Variants in FAM110A observed in about 807,000 individuals in gnomAD.
FAM110A encodes the protein family with sequence similarity 110 member A.
Under a neutral mutation model 4.0 loss-of-function variants are expected in FAM110A, and 1 was observed. The observed-to-expected ratio is 0.25, with a 90% CI of 0.09 to 1.20. FAM110A has a LOEUF of 1.20. FAM110A is among the 50% of genes most tolerant of loss of function. The probability of loss-of-function intolerance (pLI) is 0.50; values close to 1 mark genes in which losing one functional copy is unlikely to be tolerated. For synonymous variants in FAM110A, 217 were observed against 196.8 expected (o/e 1.10, Z -0.86); for missense variants, 436 against 429.2 (o/e 1.02, Z -0.14).
rs765006821 is a variant in FAM110A, at chr20:845,081, C to G, written c.277C>G (p.Leu93Val). The G allele has an allele frequency of 6.3e-7, 1 of 1,597,288 alleles. No individual in the cohort carries two copies. Among genetic ancestry groups the G allele is most frequent in the Non-Finnish European group, 8.5e-7 (1 of 1,173,270 alleles). ...AGTGCTCACGCCCAGCCGCCGAGCC[C>G]TGCCTGGCCCCTGCCGACGGCCCCA... The part of the protein sequence containing the change: ...RTVLTPSRRA[L>V]PGPCRRPQLD... Residue 93 changes from leucine to valine, a missense_variant, in exon 2 of 2, where the codon CTG becomes GTG. Leu to Val is a conservative substitution (Grantham distance 32, BLOSUM62 1). Coordinates refer to ENST00000381941, the MANE Select transcript of FAM110A (RefSeq NM_001042353.3).
At position 845,361 on chromosome 20, in the gene FAM110A, G is replaced by T. The variant is rs1388858215; in HGVS notation, c.557G>T (p.Arg186Leu). 5 of 1,609,148 alleles carry T rather than the reference G, an allele frequency of 3.1e-6. No homozygotes were observed. Among genetic ancestry groups the T allele is most frequent in the South Asian group, 2.2e-5 (2 of 90,346 alleles). Residue 186 changes from arginine to leucine, a missense_variant, in exon 2 of 2, where the codon CGC (arginine) becomes CTC (leucine). Arg to Leu is a moderately radical substitution (Grantham distance 102, BLOSUM62 -2). Coordinates refer to ENST00000381941, the MANE Select transcript of FAM110A (RefSeq NM_001042353.3). ...CCAGCCCGGCCGCCGGGTTTGCAAC[G>T]CTCCAAGTCGGACTTGAGCGAGCGC... is the stretch of plus-strand genomic sequence containing the variant. The part of the protein sequence containing the change: ...SSPARPPGLQ[R>L]SKSDLSERFS...
At chr20:841,914 C>T (rs6117931) in intron 1 of FAM110A, among the ~76,000 whole-genome samples, 4,247 of 152,308 alleles carry the variant, frequency 0.028, 182 homozygotes, top group African/African-American at 0.096. Flanking sequence ...GCTTTGTCCG[C>T]GGTGTGGGCT....
chr20:839,454 G>A, intron 1 of FAM110A: 1 of 754,544 alleles, frequency 1.3e-6, no homozygotes, highest in Non-Finnish European at 2.4e-6. Context: ...ATTTTATTGA[G>A]GTGGCTGACC....
intron 1 of FAM110A, among the ~76,000 whole-genome samples, chr20:837,152 A>C (rs1036290935): frequency 4.7e-5 from 7 of 148,628 alleles, no homozygotes; most frequent in African/African-American, 1.7e-4. Context: ...TCCCGGGTTC[A>C]AATGATTCTC....
intron 1 of FAM110A, among the ~76,000 whole-genome samples, chr20:838,304 TTCTC>T (rs1232251505): frequency 1.3e-5 from 2 of 152,268 alleles, no homozygotes; most frequent in African/African-American, 4.8e-5. Flanking sequence ...TCTTTCTTTC[TTCTC>T]TCTTTCTTAC....
rs1979768015 is a variant in FAM110A, at chr20:839,649, G to C, written c.-97-5059G>C. ...TTTAGGCCGAGGCCTGCCAGTCTCTGGACGGCTGCGGTGTAGGGTGGCAGG... is the reference window on the plus strand; with the variant it reads ...TTTAGGCCGAGGCCTGCCAGTCTCTCGACGGCTGCGGTGTAGGGTGGCAGG... On this transcript the variant is annotated intron_variant, in intron 1 of 1. Transcript: ENST00000381941. 3.4e-6 allele frequency: 4 copies of C among 1,183,794 alleles called. No individual in the cohort carries two copies. In the Admixed American group the frequency reaches 6.7e-5, roughly 20 times the overall value. The allele number at this position is 1,183,794 out of a possible 1,614,324, so 73.3% of individuals were successfully genotyped here.
chr20:838,632 G>C (rs1979708312), intron 1 of FAM110A, among the ~76,000 whole-genome samples: 1 of 152,134 alleles, frequency 6.6e-6, no homozygotes, highest in East Asian at 1.9e-4. Context: ...AGATCTGAAG[G>C]GGGTGAGGGA....
Position 837,863 on chromosome 20 carries a change from C to T in FAM110A, c.-98+3912C>T, listed in dbSNP as rs137973052. Among the ~76,000 whole-genome samples the T allele has an allele frequency of 5.9e-3, 876 of 149,674 alleles. 11 individuals are homozygous for T. Among genetic ancestry groups the T allele is most frequent in the African/African-American group, 0.02 (827 of 40,860 alleles). On this transcript the variant is annotated intron_variant, in intron 1 of 1. Transcript: ENST00000381941. ...GACAGGTCTGGAAAGGCCAGGAGCA[C>T]GGTGAGGGTTTGGGGAGGAGGCTTG...
At chr20:843,689 G>A (rs923133171) in intron 1 of FAM110A, among the ~76,000 whole-genome samples, 3 of 152,164 alleles carry the variant, frequency 2.0e-5, no homozygotes, top group Admixed American at 6.5e-5. Context: ...GGGCCTTGTG[G>A]GGTGACTCTG....
chr20:841,033 G>A (rs971520850), intron 1 of FAM110A, among the ~76,000 whole-genome samples: 1 of 152,148 alleles, frequency 6.6e-6, no homozygotes, highest in African/African-American at 2.4e-5. Context: ...CCAGAGCCAC[G>A]GGGACCCCGC....
chr20:842,768 C>T (rs1175044646), intron 1 of FAM110A, among the ~76,000 whole-genome samples: 5 of 152,166 alleles, frequency 3.3e-5, no homozygotes, highest in Non-Finnish European at 7.3e-5. Flanking sequence ...TTATGTACTC[C>T]TGGATTTCCA....
Position 844,968 on chromosome 20 carries a change from A to T in FAM110A, c.164A>T (p.Lys55Met). Residue 55 changes from lysine to methionine, a missense_variant, in exon 2 of 2, where the codon AAG (lysine) becomes ATG (methionine). By Grantham distance (95) the Lys-to-Met change is moderately conservative. Transcript: ENST00000381941. ...RLEADKAKYV[K>M]SLHVANTRQE... ...GAGGCCGACAAGGCCAAGTACGTCA[A>T]GAGCCTGCACGTGGCCAACACCCGC... is the stretch of plus-strand genomic sequence containing the variant. The T allele has an allele frequency of 6.3e-7, 1 of 1,596,146 alleles. No individual in the cohort carries two copies. The highest frequency in any genetic ancestry group is 8.5e-7 in the Non-Finnish European group (1 of 1,172,118).
In FAM110A at chr20:845,228, C is replaced by A; in HGVS notation, c.424C>A (p.Pro142Thr). ...GAGRPPPATP[P>T]RPPPSTSAVR... ...CGGCCGTCCTCCCCCAGCCACCCCT[C>A]CGCGACCGCCGCCCAGTACCTCTGC... Residue 142 changes from proline (P) to threonine (T), a missense_variant, in exon 2 of 2, where the codon CCG becomes ACG. Transcript: ENST00000381941. The A allele has an allele frequency of 6.5e-7, 1 of 1,535,226 alleles. No individual in the cohort carries two copies. Among genetic ancestry groups the A allele is most frequent in the Non-Finnish European group, 8.7e-7 (1 of 1,142,916 alleles).
chr20:835,783 G>T (rs1979546037), intron 1 of FAM110A, among the ~76,000 whole-genome samples: 1 of 152,226 alleles, frequency 6.6e-6, no homozygotes, highest in African/African-American at 2.4e-5. Context: ...CCAGCTGGGT[G>T]TCCCTGACCT....
In FAM110A at chr20:845,406, AT is replaced by A; in HGVS notation, c.603del (p.Leu202SerfsTer53). The A allele has an allele frequency of 6.2e-7, 1 of 1,613,690 alleles. No homozygotes were observed. Among genetic ancestry groups the A allele is most frequent in the Non-Finnish European group, 8.5e-7 (1 of 1,179,872 alleles). ...LSERFSRAAA[D>X]LERFFNFCGL... is the part of the protein sequence containing the mutation. ...GAGCGCTTTTCTAGGGCAGCCGCTG[AT>A]CTCGAGCGCTTTTTTAACTTCTGCG... On this transcript the variant is annotated frameshift_variant, in exon 2 of 2. Coordinates refer to ENST00000381941, the MANE Select transcript of FAM110A (RefSeq NM_001042353.3). LOFTEE classifies it high-confidence loss of function.
chr20:845,872 A>G lies in FAM110A; in HGVS notation c.*180A>G, dbSNP rs1980325278. 4 of 1,363,248 alleles carry G rather than the reference A, an allele frequency of 2.9e-6. No individual in the cohort carries two copies. Among genetic ancestry groups the G allele is most frequent in the Admixed American group, 5.8e-5 (2 of 34,272 alleles). 84.4% of individuals were successfully genotyped at this position (1,363,248 alleles called of 1,614,324 possible). A position where few individuals can be genotyped will look rare whatever the true frequency, so the allele number is the denominator to read the frequency against. The stretch of plus-strand genomic sequence containing the variant: ...TTGTTGGGCAAGGACTGACTCTCCA[A>G]GGGTTTTGTTCTTGGCTTTGGACAC... On this transcript the variant is annotated 3_prime_UTR_variant, in exon 2 of 2. Transcript: ENST00000381941.
At chr20:837,088 TG>T (rs1979623063) in intron 1 of FAM110A, among the ~76,000 whole-genome samples, 1 of 147,442 alleles carries the variant, frequency 6.8e-6, no homozygotes, top group African/African-American at 2.5e-5. Flanking sequence ...AGTTTCGCTC[TG>T]TCGCCCAGGC....
At position 834,268 on chromosome 20, in the gene FAM110A, C is replaced by T. The variant is rs1040163574; in HGVS notation, c.-98+317C>T. Among the ~76,000 whole-genome samples, 1 of 152,198 alleles carries T rather than the reference C, an allele frequency of 6.6e-6. No homozygotes were observed. The highest frequency in any genetic ancestry group is 6.5e-5 in the Admixed American group (1 of 15,280). ...GACCCCTGGCTGGATCACATATCCC[C>T]GCGCCCCACACTGTCCTCGGGATAC... On this transcript the variant is annotated intron_variant, in intron 1 of 1. Transcript: ENST00000381941. The surrounding 1 kb of genome is among the most constrained non-coding windows in gnomAD (Gnocchi z 5.6).
chr20:837,059 T>G (rs1200260853), intron 1 of FAM110A, among the ~76,000 whole-genome samples: 2 of 143,976 alleles, frequency 1.4e-5, no homozygotes. Context: ...TTTTTTTTTT[T>G]TTTTTTTTTT....
Sources: gnomAD v4.1 joint callset for allele counts (sites outside exome capture counted in the v4.1 genomes callset) on GRCh38, gnomAD v4.1.1 for gene constraint, Gnocchi (gnomAD v3.1) non-coding constraint, MANE v1.5 for transcripts, NCBI Gene and HGNC (gene_info 2026-07-23, HGNC 2026-07-21) for gene names.